Variants in GALK2 observed in about 807,000 individuals in gnomAD.
GALK2 encodes galactokinase 2, also known as N-acetylgalactosamine kinase.
A neutral mutation model predicts 52.4 loss-of-function variants in GALK2; 36 were observed. The ratio of observed to expected loss-of-function variants is 0.69; its 90% CI spans 0.53 to 0.91. The LOEUF (loss-of-function observed/expected upper bound fraction) is 0.91. Among genes scored for constraint, GALK2 ranks in the 40% least tolerant of loss-of-function variants. The probability of loss-of-function intolerance (pLI) is 0.00; values close to 1 mark genes in which losing one functional copy is unlikely to be tolerated. For synonymous variants in GALK2, 176 were observed against 199.1 expected (o/e 0.88, Z 0.98); for missense variants, 579 against 559.1 (o/e 1.04, Z -0.36).
intron 5 of GALK2, among the ~76,000 whole-genome samples, chr15:49,241,886 A>AT (rs5812478): frequency 2.0e-5 from 3 of 151,974 alleles, no homozygotes; most frequent in Admixed American, 6.5e-5. Context: ...TAGCAAATAC[A>AT]TTTTTTTATC....
intron 3 of GALK2, among the ~76,000 whole-genome samples, chr15:49,367,145 C>T (rs2045350033): frequency 6.6e-6 from 1 of 152,136 alleles, no homozygotes; most frequent in East Asian, 1.9e-4. Flanking sequence ...ATGTTTGAAA[C>T]CAGTCACTGA....
At chr15:49,158,933 T>A (rs1294491824) in intron 1 of GALK2, 1 of 152,206 alleles carries the variant, frequency 6.6e-6, no homozygotes, top group Non-Finnish European at 1.5e-5. Flanking sequence ...TTAAGTGACC[T>A]TCCCATCTCA....
Position 49,239,329 on chromosome 15 carries a change from T to A in GALK2, c.466T>A (p.Leu156Met), listed in dbSNP as rs374871677. 14 of 1,614,036 alleles carry A rather than the reference T, an allele frequency of 8.7e-6. No individual in the cohort carries two copies. The highest frequency in any genetic ancestry group is 1.1e-5 in the Non-Finnish European group (13 of 1,180,010). Residue 156 changes from leucine (L) to methionine (M), a missense_variant, in exon 5 of 10, where the codon TTG becomes ATG. By Grantham distance (15) the Leu-to-Met change is conservative (BLOSUM62 2). Coordinates refer to ENST00000560031, the MANE Select transcript of GALK2 (RefSeq NM_002044.4). The stretch of plus-strand genomic sequence containing the variant: ...CAGTGCTTTGGTCTGTTGTGCTGGC[T>A]TGGTGACGCTCACAGTGCTGGGAAG... ...SSSALVCCAG[L>M]VTLTVLGRNL...
At chr15:49,319,141 A>T in intron 8 of GALK2, 1 of 361,782 alleles carries the variant, frequency 2.8e-6, no homozygotes, top group South Asian at 2.1e-5. Flanking sequence ...TTTAGTAGAG[A>T]TGGGTTTTCA....
At chr15:49,367,680 C>T in exon 4 of GALK2, 1 of 1,331,724 alleles carries the variant, frequency 7.5e-7, no homozygotes, top group Non-Finnish European at 1.0e-6. Flanking sequence ...TAAAATATAA[C>T]TTCATATTTA....
At chr15:49,355,415 A>G (rs2042978102) in intron 3 of GALK2, among the ~76,000 whole-genome samples, 2 of 152,234 alleles carry the variant, frequency 1.3e-5, no homozygotes, top group East Asian at 1.9e-4. Flanking sequence ...GGAGCTGAAA[A>G]CCAAGGCTCG....
Position 49,322,656 on chromosome 15 carries a change from C to T in GALK2, c.1169+2851C>T, listed in dbSNP as rs558191528. On this transcript the variant is annotated intron_variant, in intron 9 of 9. Coordinates refer to ENST00000560031, the MANE Select transcript of GALK2 (RefSeq NM_002044.4). ...GAAATTGCAGTCTATTCTCTACTTT[C>T]AAAAGCTGTGACTTTCTCTTGCCGG... 1.6e-4 allele frequency among the ~76,000 whole-genome samples: 25 copies of T among 152,224 alleles called. No individual in the cohort carries two copies. In the South Asian group the frequency reaches 4.8e-3, roughly 29 times the overall value.
At chr15:49,362,870 T>C (rs1047862454) in intron 3 of GALK2, among the ~76,000 whole-genome samples, 18 of 152,182 alleles carry the variant, frequency 1.2e-4, no homozygotes. Context: ...GCACCATTTA[T>C]TGAATAGGGA....
At chr15:49,272,238 CT>C (rs1426336552) in intron 5 of GALK2, among the ~76,000 whole-genome samples, 1 of 152,092 alleles carries the variant, frequency 6.6e-6, no homozygotes, top group Non-Finnish European at 1.5e-5. Context: ...AGTTATAATT[CT>C]TTTTCTGGGT....
chr15:49,348,464 C>T lies in GALK2; in HGVS notation c.427-19027C>T, dbSNP rs2041836451. Among the ~76,000 whole-genome samples, 3 of 152,162 alleles carry T rather than the reference C, an allele frequency of 2.0e-5. No homozygotes were observed. The South Asian group carries it at 6.2e-4, about 32-fold the overall frequency. On this transcript the variant is annotated intron_variant, in intron 3 of 3. Coordinates refer to the GALK2 transcript ENST00000558399. ...AAAACAGACACATGTGAGGCAACCA[C>T]CAAAAGGAGCCAATTTCGTTTTTCC... is the stretch of plus-strand genomic sequence containing the variant.
At chr15:49,327,473 T>G (rs1002016094) in intron 9 of GALK2, 9 of 152,624 alleles carry the variant, frequency 5.9e-5, no homozygotes, top group African/African-American at 2.2e-4. Flanking sequence ...GCCTTAAGAA[T>G]GCAGCTGAAA....
At chr15:49,254,211 A>G (rs1282398022) in intron 5 of GALK2, among the ~76,000 whole-genome samples, 1 of 143,688 alleles carries the variant, frequency 7.0e-6, no homozygotes, top group South Asian at 2.3e-4. Flanking sequence ...CTATATTTGG[A>G]TGAATTAACA....
chr15:49,209,077 C>G (rs2098077560), intron 2 of GALK2, among the ~76,000 whole-genome samples: 1 of 152,166 alleles, frequency 6.6e-6, no homozygotes, highest in Admixed American at 6.5e-5. Flanking sequence ...CTGAAGGCAG[C>G]AGATAGTTGG....
chr15:49,253,478 TAA>T (rs1199120066), intron 5 of GALK2, among the ~76,000 whole-genome samples: 2 of 144,570 alleles, frequency 1.4e-5, no homozygotes, highest in East Asian at 3.9e-4. Flanking sequence ...ACTAAAGGAA[TAA>T]AAGAATCACT....
chr15:49,366,695 G>A (rs958037761), intron 3 of GALK2: 2 of 1,428,902 alleles, frequency 1.4e-6, no homozygotes, highest in Non-Finnish European at 2.0e-6. Context: ...CGGACTGGTG[G>A]GTGGCGGGTG....
At chr15:49,265,661 C>T (rs878864911) in intron 5 of GALK2, among the ~76,000 whole-genome samples, 17 of 152,242 alleles carry the variant, frequency 1.1e-4, no homozygotes, top group African/African-American at 2.9e-4. Flanking sequence ...CCGTCTTCTG[C>T]GTCGCTCACG....
At chr15:49,310,325 G>A (rs556385075) in intron 8 of GALK2, among the ~76,000 whole-genome samples, 105 of 152,250 alleles carry the variant, frequency 6.9e-4, no homozygotes, top group African/African-American at 2.5e-3. Context: ...CTTGGCTATT[G>A]TGAATAGTGC....
rs139166729 is a variant in GALK2, at chr15:49,347,124, A to G, written c.427-20367A>G. On this transcript the variant is annotated intron_variant, in intron 3 of 3. Transcript: ENST00000558399. ...TTTCACTATTTAATACATCATTATC[A>G]GCAGTTTTGTAGTATACTCAGGAAA... 1.9e-3 allele frequency among the ~76,000 whole-genome samples: 296 copies of G among 152,310 alleles called. 3 individuals are homozygous for G. The highest frequency in any genetic ancestry group is 3.1e-3 in the Non-Finnish European group (209 of 68,026).
At chr15:49,294,817 A>G (rs1315344109) in intron 8 of GALK2, among the ~76,000 whole-genome samples, 6 of 152,162 alleles carry the variant, frequency 3.9e-5, no homozygotes, top group African/African-American at 1.4e-4. Flanking sequence ...TGGTGGTTCA[A>G]TTTTGAGCTG....
Sources: allele counts gnomAD v4.1 joint callset (sites outside exome capture counted in the v4.1 genomes callset), GRCh38; gene constraint gnomAD v4.1.1; transcripts MANE v1.5; gene names NCBI Gene and HGNC (gene_info 2026-07-23, HGNC 2026-07-21).